The following KDM1B variants were observed in gnomAD, a reference collection of about 807,000 sequenced individuals.
The protein encoded by KDM1B is lysine-specific histone demethylase 2.
Under a neutral mutation model 107.4 loss-of-function variants are expected in KDM1B, and 63 were observed. The ratio of observed to expected loss-of-function variants is 0.59; its 90% CI spans 0.48 to 0.72. The LOEUF (loss-of-function observed/expected upper bound fraction) is 0.72, where lower values mean the gene tolerates loss of function less well. KDM1B is among the 30% of genes least tolerant of loss of function. The pLI is 0.00. For synonymous variants in KDM1B, 363 were observed against 363.9 expected (o/e 1.00, Z 0.03); for missense variants, 749 against 1,020.8 (o/e 0.73, Z 3.63).
At chr6:18,157,948 G>T (rs1784733800) in intron 2 of KDM1B, among the ~76,000 whole-genome samples, 1 of 151,624 alleles carries the variant, frequency 6.6e-6, no homozygotes, top group Admixed American at 6.6e-5. Context: ...GAATAGCTGG[G>T]ACTACAGGTG....
rs1336707568 is a variant in KDM1B at position 18,193,111 on chromosome 6, C to A, written c.969+1730C>A. Among the ~76,000 whole-genome samples the A allele has an allele frequency of 2.0e-5, 3 of 148,044 alleles. No homozygotes were observed. In the Admixed American group the frequency reaches 2.1e-4, roughly 10 times the overall value. On this transcript the variant is annotated intron_variant, in intron 10 of 21. Coordinates refer to ENST00000650836, the MANE Select transcript of KDM1B (RefSeq NM_001364614.2). Reference sequence around the variant, plus strand: ...TTGGGAGGCTGAGGCAGGAGAATCGCTTGAACCCAGGAGGAGGAGGCTGCA... The same window carrying A: ...TTGGGAGGCTGAGGCAGGAGAATCGATTGAACCCAGGAGGAGGAGGCTGCA...
intron 7 of KDM1B, among the ~76,000 whole-genome samples, chr6:18,175,095 T>G (rs887105772): frequency 1.3e-5 from 2 of 152,136 alleles, no homozygotes; most frequent in African/African-American, 4.8e-5. Flanking sequence ...CTAGTTTACA[T>G]TCCCACCAGC....
chr6:18,207,681 A>G (rs2151000741), intron 16 of KDM1B, 152 bp downstream of exon 16: 1 of 874,508 alleles, frequency 1.1e-6, no homozygotes, highest in Non-Finnish European at 1.8e-6. Context: ...CCTGTGTAGC[A>G]TTATCCATGT....
chr6:18,208,113 A>G lies in KDM1B; in HGVS notation c.1792-19A>G, dbSNP rs1011293989. The G allele has an allele frequency of 9.4e-6, 15 of 1,600,322 alleles. No individual in the cohort carries two copies. The highest frequency in any genetic ancestry group is 1.1e-5 in the Non-Finnish European group (13 of 1,169,032). Reference sequence around the variant, plus strand: ...GTGGTTCCATCCCTCACTTTTTTTCATAATTGCTTTTTGAGCAGGTGCAGT... The same window carrying G: ...GTGGTTCCATCCCTCACTTTTTTTCGTAATTGCTTTTTGAGCAGGTGCAGT... On this transcript the variant is annotated intron_variant, in intron 16 of 21. Coordinates refer to ENST00000650836, the MANE Select transcript of KDM1B (RefSeq NM_001364614.2).
chr6:18,168,779 A>G (rs1785478861), intron 6 of KDM1B, among the ~76,000 whole-genome samples: 1 of 152,040 alleles, frequency 6.6e-6, no homozygotes, highest in Non-Finnish European at 1.5e-5. Context: ...TTTAATTTGC[A>G]TTTCCCTAAT....
chr6:18,201,573 A>T lies in KDM1B; in HGVS notation c.1447A>T (p.Met483Leu). 6.5e-7 allele frequency: 1 copy of T among 1,550,256 alleles called. No individual in the cohort carries two copies. The highest frequency in any genetic ancestry group is 8.7e-7 in the Non-Finnish European group (1 of 1,146,600). Reference sequence around the variant, plus strand: ...AACTGACCCCACTATTGACAAGCGCATGGATTTTCATTTTAATGCTCTCTT... The same window carrying T: ...AACTGACCCCACTATTGACAAGCGCTTGGATTTTCATTTTAATGCTCTCTT... ...RITDPTIDKR[M>L]DFHFNALLDV... The change falls in exon 14 of 22, where the codon ATG (methionine) becomes TTG (leucine). Residue 483 changes from methionine to leucine, a missense_variant. Coordinates refer to ENST00000650836, the MANE Select transcript of KDM1B (RefSeq NM_001364614.2). This position sits in a 1 kb window ranked among gnomAD's most constrained non-coding sequence, Gnocchi z 4.3.
At chr6:18,178,473 A>G (rs985227331) in intron 7 of KDM1B, among the ~76,000 whole-genome samples, 1 of 151,590 alleles carries the variant, frequency 6.6e-6, no homozygotes, top group Non-Finnish European at 1.5e-5. Context: ...GCTCACTGCA[A>G]CCTCCGCCTC....
Position 18,212,455 on chromosome 6 carries a change from G to A in KDM1B, c.1867-33G>A, listed in dbSNP as rs769984301. The A allele has an allele frequency of 8.5e-6, 11 of 1,294,394 alleles. No homozygotes were observed. The highest frequency in any genetic ancestry group is 2.9e-5 in the African/African-American group (2 of 68,506). The allele number at this position is 1,294,394 out of a possible 1,614,324, so 80.2% of individuals were successfully genotyped here. A position where few individuals can be genotyped will look rare whatever the true frequency, so the allele number is the denominator to read the frequency against. On this transcript the variant is annotated intron_variant, in intron 17 of 21. Transcript: ENST00000650836. The surrounding 1 kb of genome is among the most constrained non-coding windows in gnomAD (Gnocchi z 5.2). ...AGTGGTAGTGTGAGGTTCTGTTGCTGTTTGTTTGTTAACTGTTAATTATTT... is the reference window on the plus strand; with the variant it reads ...AGTGGTAGTGTGAGGTTCTGTTGCTATTTGTTTGTTAACTGTTAATTATTT...
intron 10 of KDM1B, among the ~76,000 whole-genome samples, chr6:18,195,976 C>T (rs2150955594): frequency 6.6e-6 from 1 of 152,242 alleles, no homozygotes; most frequent in South Asian, 2.1e-4. Context: ...CTTTGACCAA[C>T]ATCTCCCCGC....
Position 18,213,892 on chromosome 6 carries a change from G to A in KDM1B, c.2109+111G>A. 7 of 1,209,330 alleles carry A rather than the reference G, an allele frequency of 5.8e-6. No individual in the cohort carries two copies. The highest frequency in any genetic ancestry group is 1.4e-5 in the South Asian group (1 of 73,562). The allele number at this position is 1,209,330 out of a possible 1,614,324, so 74.9% of individuals were successfully genotyped here. On this transcript the variant is annotated intron_variant, in intron 19 of 21. Transcript: ENST00000650836. The surrounding 1 kb of genome is among the most constrained non-coding windows in gnomAD (Gnocchi z 5.9). ...AACTAACGAACATCATGGAGACCCT[G>A]GGTCTATGTTTATATTCTGGGAGGA... is the stretch of plus-strand genomic sequence containing the variant.
chr6:18,209,154 G>A lies in KDM1B; in HGVS notation c.1866+948G>A, dbSNP rs1448180294. On this transcript the variant is annotated intron_variant, in intron 17 of 21. Transcript: ENST00000650836. The surrounding 1 kb of genome is among the most constrained non-coding windows in gnomAD (Gnocchi z 4.3). Reference sequence around the variant, plus strand: ...TTTTGTAAACAGCTTTATAGTAGGTGAACAGTACAAGGTACTGCTGAATCA... The same window carrying A: ...TTTTGTAAACAGCTTTATAGTAGGTAAACAGTACAAGGTACTGCTGAATCA... Among the ~76,000 whole-genome samples, 1 of 152,100 alleles carries A rather than the reference G, an allele frequency of 6.6e-6. No homozygotes were observed. Among genetic ancestry groups the A allele is most frequent in the Non-Finnish European group, 1.5e-5 (1 of 68,034 alleles).
chr6:18,201,520 G>T lies in KDM1B; in HGVS notation c.1394G>T (p.Cys465Phe). Residue 465 changes from cysteine to phenylalanine, a missense_variant, in exon 14 of 22, where the codon TGT (cysteine) becomes TTT (phenylalanine). Cys to Phe is a radical substitution (Grantham distance 205). Transcript: ENST00000650836. The surrounding 1 kb of genome is among the most constrained non-coding windows in gnomAD (Gnocchi z 4.3). ...GISMHKFGER[C>F]DLIQEGGRIT... ...AGCATGCATAAATTTGGAGAAAGAT[G>T]TGACTTAATTCAGGAAGGTGGAAGA... 1 of 1,549,988 alleles carries T rather than the reference G, an allele frequency of 6.5e-7. No individual in the cohort carries two copies. The highest frequency in any genetic ancestry group is 8.7e-7 in the Non-Finnish European group (1 of 1,146,836).
chr6:18,188,268 A>G (rs566824694), intron 9 of KDM1B, among the ~76,000 whole-genome samples: 85 of 152,348 alleles, frequency 5.6e-4, no homozygotes, highest in Non-Finnish European at 1.1e-3. Context: ...TATGCGACCT[A>G]TGATATAAAG....
At chr6:18,207,786 C>A (rs78889002) in intron 16 of KDM1B, among the ~76,000 whole-genome samples, 1 of 152,290 alleles carries the variant, frequency 6.6e-6, no homozygotes, top group African/African-American at 2.4e-5. Context: ...CTTTCCTAAC[C>A]CAGTGCAGTT....
rs747316585 is a variant in KDM1B at position 18,211,241 on chromosome 6, A to C, written c.1867-1247A>C. Among the ~76,000 whole-genome samples, 52 of 152,208 alleles carry C rather than the reference A, an allele frequency of 3.4e-4. No individual in the cohort carries two copies. Among genetic ancestry groups the C allele is most frequent in the Non-Finnish European group, 3.4e-4 (23 of 68,032 alleles). ...TCCTGTGATCCTAGAATTGAGAGTTAAGCCAAATATACAAAATCTTTGAAG... is the reference window on the plus strand; with the variant it reads ...TCCTGTGATCCTAGAATTGAGAGTTCAGCCAAATATACAAAATCTTTGAAG... On this transcript the variant is annotated intron_variant, in intron 17 of 21. Coordinates refer to ENST00000650836, the MANE Select transcript of KDM1B (RefSeq NM_001364614.2). The surrounding 1 kb of genome is among the most constrained non-coding windows in gnomAD (Gnocchi z 5.2).
Position 18,162,358 on chromosome 6 carries a change from C to T in KDM1B, c.216-477C>T, listed in dbSNP as rs1013728008. 2.6e-5 allele frequency among the ~76,000 whole-genome samples: 4 copies of T among 152,054 alleles called. No homozygotes were observed. Among genetic ancestry groups the T allele is most frequent in the African/African-American group, 7.2e-5 (3 of 41,402 alleles). ...AAAATATTAAAAATAAACACAAAGACGTGGTGATCGTGTTCATAGTGGCAT... is the reference window on the plus strand; with the variant it reads ...AAAATATTAAAAATAAACACAAAGATGTGGTGATCGTGTTCATAGTGGCAT... On this transcript the variant is annotated intron_variant, in intron 4 of 21. Transcript: ENST00000650836. This position sits in a 1 kb window ranked among gnomAD's most constrained non-coding sequence, Gnocchi z 4.1.
chr6:18,181,117 G>T (rs1234406512), intron 7 of KDM1B, among the ~76,000 whole-genome samples: 1 of 152,128 alleles, frequency 6.6e-6, no homozygotes, highest in Non-Finnish European at 1.5e-5. Flanking sequence ...AATGATACAT[G>T]TTCATTATTG....
Position 18,212,635 on chromosome 6 carries a change from AAG to A in KDM1B, c.1983+35_1983+36del, listed in dbSNP as rs1234719883. 7.4e-7 allele frequency: 1 copy of A among 1,346,698 alleles called. No individual in the cohort carries two copies. Among genetic ancestry groups the A allele is most frequent in the African/African-American group, 1.4e-5 (1 of 69,732 alleles). 83.4% of individuals were successfully genotyped at this position (1,346,698 alleles called of 1,614,324 possible). ...TGAAATGACCTCATCCTCAGCAAGA[AAG>A]AGATTAATGTCAGATGATAGATGTT... is the stretch of plus-strand genomic sequence containing the variant. On this transcript the variant is annotated intron_variant, in intron 18 of 21. Transcript: ENST00000650836. This position sits in a 1 kb window ranked among gnomAD's most constrained non-coding sequence, Gnocchi z 5.2.
intron 7 of KDM1B, among the ~76,000 whole-genome samples, chr6:18,180,756 G>A (rs1327888677): frequency 1.3e-5 from 2 of 152,108 alleles, no homozygotes; most frequent in Non-Finnish European, 2.9e-5. Flanking sequence ...AGTAGAGACG[G>A]AGTTTCACCA....
Sources: gnomAD v4.1 joint callset for allele counts (sites outside exome capture counted in the v4.1 genomes callset) on GRCh38, gnomAD v4.1.1 for gene constraint, Gnocchi (gnomAD v3.1) non-coding constraint, MANE v1.5 for transcripts, NCBI Gene and HGNC (gene_info 2026-07-23, HGNC 2026-07-21) for gene names.